Variants in BNC2 observed in about 807,000 individuals in gnomAD.
The protein encoded by BNC2 is basonuclin zinc finger protein 2, also known as zinc finger protein basonuclin-2.
In BNC2, 20 loss-of-function variants were observed where a neutral mutation model predicts 76.3. The observed-to-expected ratio is 0.26, with a 90% CI of 0.18 to 0.38. The LOEUF (loss-of-function observed/expected upper bound fraction) is 0.38, where lower values mean the gene tolerates loss of function less well. Ranked by LOEUF, BNC2 falls within the 10% of genes least tolerant of loss-of-function variation. BNC2 has a pLI of 1.00. For missense variants in BNC2, 1,382 were observed against 1,399.8 expected, an observed-to-expected ratio of 0.99 and a Z score of 0.20; for synonymous variants, 582 against 514.8, an observed-to-expected ratio of 1.13 and a Z score of -1.77.
intron 4 of BNC2, among the ~76,000 whole-genome samples, chr9:16,571,920 T>C (rs1819335875): frequency 6.6e-6 from 1 of 152,144 alleles, no homozygotes; most frequent in Non-Finnish European, 1.5e-5. Context: ...ATGACTTTTT[T>C]TTTAAGGGGC....
chr9:16,501,610 G>A (rs1202206470), intron 5 of BNC2, among the ~76,000 whole-genome samples: 1 of 152,110 alleles, frequency 6.6e-6, no homozygotes, highest in African/African-American at 2.4e-5. Context: ...GTCTCCCACA[G>A]TCTGCATAAC....
At chr9:16,579,916 T>A (rs1819585151) in intron 4 of BNC2, 2 of 394,106 alleles carry the variant, frequency 5.1e-6, no homozygotes, top group Admixed American at 4.4e-5. Flanking sequence ...AATTTTTTTA[T>A]TGACATAATG....
intron 5 of BNC2, among the ~76,000 whole-genome samples, chr9:16,504,560 C>G (rs533120131): frequency 6.6e-6 from 1 of 152,224 alleles, no homozygotes; most frequent in South Asian, 2.1e-4. Context: ...TACAGACCCT[C>G]CAAATACTGG....
chr9:16,480,622 G>A (rs1822029920), intron 5 of BNC2, among the ~76,000 whole-genome samples: 1 of 152,214 alleles, frequency 6.6e-6, no homozygotes, highest in African/African-American at 2.4e-5. Flanking sequence ...CGGCCCTGCT[G>A]GACCGGGCAA....
At chr9:16,469,396 G>A (rs1320007548) in intron 5 of BNC2, among the ~76,000 whole-genome samples, 1 of 152,182 alleles carries the variant, frequency 6.6e-6, no homozygotes, top group Non-Finnish European at 1.5e-5. Flanking sequence ...GGGTTTTTCA[G>A]GGGTTTCTGC....
At chr9:16,832,276 C>T (rs750936655) in intron 1 of BNC2, 17 of 1,284,098 alleles carry the variant, frequency 1.3e-5, no homozygotes, top group Middle Eastern at 4.3e-4. Context: ...GGTTCTTTGA[C>T]GTCATCAGTC....
chr9:16,558,655 G>C (rs1423613825), intron 4 of BNC2, among the ~76,000 whole-genome samples: 1 of 152,140 alleles, frequency 6.6e-6, no homozygotes, highest in Non-Finnish European at 1.5e-5. Flanking sequence ...TCAACGTCAG[G>C]TGCGGTGGCT....
chr9:16,469,369 G>GC (rs577229634), intron 5 of BNC2, among the ~76,000 whole-genome samples: 18 of 152,294 alleles, frequency 1.2e-4, no homozygotes, highest in Admixed American at 1.1e-3. Context: ...TAGTGATGAA[G>GC]CCTCACGAGA....
At chr9:16,661,419 G>A (rs1220459656) in intron 3 of BNC2, among the ~76,000 whole-genome samples, 1 of 152,096 alleles carries the variant, frequency 6.6e-6, no homozygotes, top group Non-Finnish European at 1.5e-5. Context: ...ATAGTATATG[G>A]GGAAGTGATC....
At chr9:16,571,472 G>C (rs908388388) in intron 4 of BNC2, among the ~76,000 whole-genome samples, 6 of 151,870 alleles carry the variant, frequency 4.0e-5, no homozygotes, top group African/African-American at 1.5e-4. Flanking sequence ...ATAGCTACTC[G>C]GTTTATGTAG....
intron 3 of BNC2, among the ~76,000 whole-genome samples, chr9:16,691,315 G>C (rs887716252): frequency 6.6e-6 from 1 of 152,080 alleles, no homozygotes; most frequent in Non-Finnish European, 1.5e-5. Flanking sequence ...CTCTACATTT[G>C]ATAAAAATGG....
At chr9:16,795,145 T>G (rs1446034289) in intron 1 of BNC2, among the ~76,000 whole-genome samples, 2 of 152,158 alleles carry the variant, frequency 1.3e-5, no homozygotes, top group Non-Finnish European at 2.9e-5. Flanking sequence ...GAAGGCTGAC[T>G]AGAGTTGAAA....
chr9:16,511,938 G>C (rs985912282), intron 5 of BNC2, among the ~76,000 whole-genome samples: 2 of 152,032 alleles, frequency 1.3e-5, no homozygotes, highest in East Asian at 3.8e-4. Context: ...TCCATCAAAA[G>C]TGCTCTCCGT....
chr9:16,829,440 ATGG>A (rs1474818973), intron 1 of BNC2, among the ~76,000 whole-genome samples: 1 of 151,978 alleles, frequency 6.6e-6, no homozygotes, highest in African/African-American at 2.4e-5. Context: ...GTCTTTTTTG[ATGG>A]TGGTGGTGTT....
intron 3 of BNC2, among the ~76,000 whole-genome samples, chr9:16,617,930 C>T (rs1435241713): frequency 6.6e-6 from 1 of 152,218 alleles, no homozygotes; most frequent in Non-Finnish European, 1.5e-5. Context: ...CCTAAGCAGC[C>T]TGGCTCCACA....
intron 6 of BNC2, chr9:16,429,723 A>G (rs542748620): frequency 9.0e-5 from 28 of 311,082 alleles, no homozygotes; most frequent in African/African-American, 4.3e-4. Context: ...ATCAATAGAA[A>G]TTTGTAAAAA....
intron 3 of BNC2, among the ~76,000 whole-genome samples, chr9:16,611,820 C>A (rs1215950646): frequency 1.6e-5 from 1 of 61,866 alleles, no homozygotes; most frequent in Non-Finnish European, 4.1e-5. Context: ...AGGAACAATT[C>A]TTGATTTAAC....
At chr9:16,858,281 C>A (rs561565372) in intron 1 of BNC2, among the ~76,000 whole-genome samples, 2 of 152,250 alleles carry the variant, frequency 1.3e-5, no homozygotes, top group South Asian at 2.1e-4. Flanking sequence ...TCATACGGAA[C>A]ACCTAGAATG....
chr9:16,638,175 C>G (rs1296588373), intron 3 of BNC2, among the ~76,000 whole-genome samples: 1 of 152,178 alleles, frequency 6.6e-6, no homozygotes, highest in Non-Finnish European at 1.5e-5. Context: ...CTCGTGGTTT[C>G]TGGCAAGGTT....
Sources: gnomAD v4.1 joint callset for allele counts (sites outside exome capture counted in the v4.1 genomes callset) on GRCh38, gnomAD v4.1.1 for gene constraint, MANE v1.5 for transcripts, NCBI Gene and HGNC (gene_info 2026-07-23, HGNC 2026-07-21) for gene names.